The following USP32 variants were observed in gnomAD, a reference collection of about 807,000 sequenced individuals.
USP32 encodes ubiquitin specific peptidase 32, also known as ubiquitin carboxyl-terminal hydrolase 32.
Under a neutral mutation model 204.8 loss-of-function variants are expected in USP32, and 59 were observed. The observed-to-expected ratio is 0.29, with a 90% CI of 0.23 to 0.36. The LOEUF (loss-of-function observed/expected upper bound fraction) is 0.36. Among genes scored for constraint, USP32 ranks in the 10% least tolerant of loss-of-function variants. USP32 has a pLI of 1.00. For synonymous variants in USP32, 517 were observed against 678.4 expected (o/e 0.76, Z 3.70); for missense variants, 1,160 against 1,946.4 (o/e 0.60, Z 7.60).
intron 2 of USP32, among the ~76,000 whole-genome samples, chr17:60,306,950 A>T (rs1331121195): frequency 1.3e-5 from 2 of 152,202 alleles, no homozygotes; most frequent in African/African-American, 2.4e-5. Flanking sequence ...CAAAGAATAT[A>T]AAATACCTAG....
intron 27 of USP32, among the ~76,000 whole-genome samples, chr17:60,194,142 C>G (rs1378103297): frequency 1.8e-4 from 27 of 151,918 alleles, no homozygotes; most frequent in Admixed American, 1.8e-3. Flanking sequence ...TTTCTGGGCT[C>G]AGGTGATCCT....
intron 1 of USP32, among the ~76,000 whole-genome samples, chr17:60,401,735 A>G (rs974713230): frequency 2.6e-5 from 4 of 152,038 alleles, no homozygotes; most frequent in African/African-American, 7.2e-5. Context: ...AGAAAAAAAA[A>G]AAAAGAAAGA....
chr17:60,181,890 C>T (rs2084122094), intron 31 of USP32, 142 bp from the exon 32 acceptor site: 1 of 1,301,580 alleles, frequency 7.7e-7, no homozygotes, highest in Non-Finnish European at 1.0e-6. Context: ...CTCTTTAGTT[C>T]CTATTATGTA....
chr17:60,327,461 AG>A (rs2088270711), intron 2 of USP32, among the ~76,000 whole-genome samples: 1 of 152,090 alleles, frequency 6.6e-6, no homozygotes, highest in Non-Finnish European at 1.5e-5. Flanking sequence ...CACTCCACAA[AG>A]GCAGCGGGAC....
At chr17:60,350,873 C>T (rs73320744) in intron 1 of USP32, among the ~76,000 whole-genome samples, 2,594 of 152,148 alleles carry the variant, frequency 0.017, 79 homozygotes, top group African/African-American at 0.059. Context: ...CGAAAAACCA[C>T]CTGTACCCCA....
At chr17:60,231,745 CA>C (rs2145614523) in intron 12 of USP32, 1 of 336,254 alleles carries the variant, frequency 3.0e-6, no homozygotes, top group East Asian at 6.2e-5. Context: ...TCATAGTTCT[CA>C]AAAAGGAAGA....
chr17:60,385,501 C>T (rs1046771512), intron 1 of USP32, among the ~76,000 whole-genome samples: 7 of 152,012 alleles, frequency 4.6e-5, no homozygotes, highest in East Asian at 1.9e-4. Flanking sequence ...GCCAAGATTG[C>T]GCCACTACAC....
chr17:60,274,652 T>C (rs2086800106), intron 5 of USP32, among the ~76,000 whole-genome samples: 1 of 152,040 alleles, frequency 6.6e-6, no homozygotes, highest in South Asian at 2.1e-4. Flanking sequence ...CCTCCAATTC[T>C]GTATCACGTG....
At chr17:60,346,713 G>A (rs2088793519) in intron 1 of USP32, among the ~76,000 whole-genome samples, 1 of 151,986 alleles carries the variant, frequency 6.6e-6, no homozygotes, top group South Asian at 2.1e-4. Context: ...GCACAGAAAT[G>A]GTACCTTTGA....
chr17:60,235,982 GTATCATATAAACACT>G (rs1487819309), intron 12 of USP32, among the ~76,000 whole-genome samples, 141 bp downstream of exon 12: 1 of 152,162 alleles, frequency 6.6e-6, no homozygotes, highest in African/African-American at 2.4e-5. Context: ...ACCATAGCAA[GTATCATATAAACACT>G]CATTTCCTTT....
chr17:60,421,246 C>CAACAACAACAACGACAACAAT (rs1456004485), intron 1 of USP32: 1 of 567,218 alleles, frequency 1.8e-6, no homozygotes, highest in East Asian at 1.4e-4. Flanking sequence ...CCTCCCCTTA[C>CAACAACAACAACGACAACAAT]AACAACAACA....
In USP32 at chr17:60,345,485, G is replaced by A. The variant is rs777902221; in HGVS notation, c.182C>T (p.Ala61Val). 7.4e-6 allele frequency: 12 copies of A among 1,613,658 alleles called. No individual in the cohort carries two copies. The highest frequency in any genetic ancestry group is 1.0e-5 in the Non-Finnish European group (12 of 1,179,884). The change falls in exon 2 of 34, where the codon GCT (alanine) becomes GTT (valine). Residue 61 changes from alanine (A) to valine (V), a missense_variant. Ala to Val is a moderately conservative substitution (Grantham distance 64). Around this residue, in one of 8 missense-constraint regions of USP32, gnomAD observed 536 missense variants for 680.9 expected, o/e 0.79. Transcript: ENST00000300896. Reference sequence around the variant, plus strand: ...AACTTAGAACAAAAAGATTACCTCAGCAACCTTTGGAGGCACTCCATCCCC... The same window carrying A: ...AACTTAGAACAAAAAGATTACCTCAACAACCTTTGGAGGCACTCCATCCCC... ...VLGDGVPPKV[A>V]EVIYCSFGGT...
chr17:60,326,805 C>T (rs965327773), intron 2 of USP32, among the ~76,000 whole-genome samples: 13 of 152,106 alleles, frequency 8.5e-5, no homozygotes, highest in Non-Finnish European at 1.9e-4. Context: ...TAGTTATTTC[C>T]ACAAGATGTT....
chr17:60,195,776 C>T (rs2084498653), intron 27 of USP32, among the ~76,000 whole-genome samples: 2 of 152,188 alleles, frequency 1.3e-5, no homozygotes, highest in South Asian at 4.1e-4. Flanking sequence ...ATCATCTGGT[C>T]TCAGGGCTTT....
chr17:60,312,706 T>A (rs1187219097), intron 2 of USP32, among the ~76,000 whole-genome samples: 1 of 152,152 alleles, frequency 6.6e-6, no homozygotes, highest in African/African-American at 2.4e-5. Context: ...TATACATAAG[T>A]TAAAAAGGCA....
At chr17:60,376,496 T>C (rs1229305341) in intron 1 of USP32, among the ~76,000 whole-genome samples, 3 of 151,980 alleles carry the variant, frequency 2.0e-5, no homozygotes, top group East Asian at 3.8e-4. Context: ...GAAATGACAT[T>C]TGAATTTTGG....
At chr17:60,352,488 T>A (rs557936374) in intron 1 of USP32, among the ~76,000 whole-genome samples, 2 of 152,216 alleles carry the variant, frequency 1.3e-5, no homozygotes, top group African/African-American at 2.4e-5. Context: ...AACCCTTATA[T>A]CTTATTTAAA....
At chr17:60,198,142 G>T in intron 27 of USP32, 118 bp downstream of exon 27, 1 of 1,334,768 alleles carries the variant, frequency 7.5e-7, no homozygotes. Flanking sequence ...TGTCTGAGTG[G>T]TTCTTCCAAG....
At chr17:60,404,987 G>T (rs2089964258) in intron 1 of USP32, among the ~76,000 whole-genome samples, 1 of 152,006 alleles carries the variant, frequency 6.6e-6, no homozygotes. Flanking sequence ...GACCAGTCTG[G>T]CCAACTTGGT....
Sources: allele counts gnomAD v4.1 joint callset (sites outside exome capture counted in the v4.1 genomes callset), GRCh38; gene constraint gnomAD v4.1.1; regional missense constraint gnomAD v4.1.1; transcripts MANE v1.5; gene names NCBI Gene and HGNC (gene_info 2026-07-23, HGNC 2026-07-21).